DAPK3: variants seen among roughly 807,000 people sequenced by gnomAD.
DAPK3 encodes death associated protein kinase 3.
A neutral mutation model predicts 30.6 loss-of-function variants in DAPK3; 24 were observed. The observed-to-expected ratio is 0.78, with a 90% CI of 0.57 to 1.10. DAPK3 has a LOEUF of 1.10. Among genes scored for constraint, DAPK3 ranks in the 50% least tolerant of loss-of-function variants. The probability of loss-of-function intolerance (pLI) is 0.00; values close to 1 mark genes in which losing one functional copy is unlikely to be tolerated. For missense variants in DAPK3, 629 were observed against 657.3 expected, an observed-to-expected ratio of 0.96 and a Z score of 0.47; for synonymous variants, 341 against 284.0, an observed-to-expected ratio of 1.20 and a Z score of -2.02.
At chr19:3,959,675 GCCACCCAGCCCCGCCAGCCC>G (rs1568189761) in intron 8 of DAPK3, 38 bp from the exon 9 acceptor site, 3 of 1,507,528 alleles carry the variant, frequency 2.0e-6, no homozygotes, top group Admixed American at 4.1e-5. Context: ...TCCCCGCGAT[GCCACCCAGCCCCGCCAGCCC>G]CCACCTGCCA....
At chr19:3,966,638 A>T (rs2039580160) in intron 2 of DAPK3, among the ~76,000 whole-genome samples, 1 of 152,190 alleles carries the variant, frequency 6.6e-6, no homozygotes, top group African/African-American at 2.4e-5. Flanking sequence ...CGCCTCCTCC[A>T]TGCTGGAGTG....
chr19:3,961,783 T>G (rs2039518590), intron 6 of DAPK3: 1 of 318,162 alleles, frequency 3.1e-6, no homozygotes, highest in African/African-American at 2.2e-5. Flanking sequence ...AGGAGCTGAA[T>G]GGCTAAATGC....
chr19:3,960,961 G>A (rs1456576534), intron 7 of DAPK3, 48 bp downstream of exon 7: 1 of 1,599,194 alleles, frequency 6.3e-7, no homozygotes, highest in Admixed American at 1.7e-5. Context: ...GGGTGGAGTG[G>A]GCCTGTGTCC....
rs151023938 is a variant in DAPK3, at chr19:3,958,736, C to G, written c.*365G>C. 92 of 380,608 alleles carry G rather than the reference C, an allele frequency of 2.4e-4. 3 individuals are homozygous for G. In the East Asian group the frequency reaches 5.0e-3, roughly 21 times the overall value. 23.6% of individuals were successfully genotyped at this position (380,608 alleles called of 1,614,324 possible). A position where few individuals can be genotyped will look rare whatever the true frequency, so the allele number is the denominator to read the frequency against. On this transcript the variant is annotated 3_prime_UTR_variant, in exon 9 of 9. Coordinates refer to ENST00000545797, the MANE Select transcript of DAPK3 (RefSeq NM_001348.3). ...GCAGCACCCCGCCGAATTGTCCGTGCAACTACCCGCAAACCCTCCTCCGGG... is the reference window on the plus strand; with the variant it reads ...GCAGCACCCCGCCGAATTGTCCGTGGAACTACCCGCAAACCCTCCTCCGGG...
At position 3,959,432 on chromosome 19, in the gene DAPK3, C is replaced by T; in HGVS notation, c.1034G>A (p.Ser345Asn). ...AEEGLRELQR[S>N]RRLCHEDVEA... is the part of the protein sequence containing the mutation. ...CACGTCCTCGTGGCAGAGCCGCCGG[C>T]TGCGCTGCAGCTCGCGCAGGCCCTC... Residue 345 changes from serine (S) to asparagine (N), a missense_variant, in exon 9 of 9, where the codon AGC (serine) becomes AAC (asparagine). Physicochemically the swap from Ser to Asn is conservative, Grantham distance 46. Around this residue, in one of 2 missense-constraint regions of DAPK3, gnomAD observed 323 missense variants for 278.8 expected, o/e 1.16. Coordinates refer to ENST00000545797, the MANE Select transcript of DAPK3 (RefSeq NM_001348.3). The T allele has an allele frequency of 1.3e-6, 2 of 1,552,078 alleles. No homozygotes were observed. Among genetic ancestry groups the T allele is most frequent in the Non-Finnish European group, 8.7e-7 (1 of 1,155,678 alleles).
intron 1 of DAPK3, chr19:3,970,048 G>GCCAC: frequency 2.6e-6 from 1 of 388,322 alleles, no homozygotes; most frequent in South Asian, 5.1e-5. Flanking sequence ...GCCCCACTGG[G>GCCAC]CCACCTTCAC....
In DAPK3 at chr19:3,964,446, A is replaced by T. The variant is rs1402128971; in HGVS notation, c.424-73T>A. 50 of 744,890 alleles carry T rather than the reference A, an allele frequency of 6.7e-5. No homozygotes were observed. The African/African-American group carries it at 1.8e-3, about 27-fold the overall frequency. 46.1% of individuals were successfully genotyped at this position (744,890 alleles called of 1,614,324 possible). ...CTCACCCCCACGCTCCCCAAACCTC[A>T]CCCTCACGCTCCCCGCAACCTCACC... On this transcript the variant is annotated intron_variant, in intron 3 of 8. Transcript: ENST00000545797.
chr19:3,959,762 G>C (rs1041435325), intron 8 of DAPK3, 125 bp from the exon 9 acceptor site: 2 of 1,141,182 alleles, frequency 1.8e-6, no homozygotes, highest in Non-Finnish European at 2.4e-6. Flanking sequence ...TCGTGACGGA[G>C]ACTGCCCAGC....
At position 3,958,556 on chromosome 19, in the gene DAPK3, C is replaced by A. The variant is rs1459413244; in HGVS notation, c.*545G>T. On this transcript the variant is annotated 3_prime_UTR_variant, in exon 9 of 9. Transcript: ENST00000545797. ...GCTCGCGGAGGAGTCCGCAGCAGGGCACCCCACACCCGGGGGACCGGCCTC... is the reference window on the plus strand; with the variant it reads ...GCTCGCGGAGGAGTCCGCAGCAGGGAACCCCACACCCGGGGGACCGGCCTC... 2 of 456,096 alleles carry A rather than the reference C, an allele frequency of 4.4e-6. No homozygotes were observed. The highest frequency in any genetic ancestry group is 4.4e-6 in the Non-Finnish European group (1 of 227,296). 28.3% of individuals were successfully genotyped at this position (456,096 alleles called of 1,614,324 possible). A position where few individuals can be genotyped will look rare whatever the true frequency, so the allele number is the denominator to read the frequency against.
chr19:3,959,133 TCTC>T lies in DAPK3; in HGVS notation c.1330_1332del (p.Glu444del). 2 of 1,576,176 alleles carry T rather than the reference TCTC, an allele frequency of 1.3e-6. No individual in the cohort carries two copies. The highest frequency in any genetic ancestry group is 1.7e-6 in the Non-Finnish European group (2 of 1,165,234). ...AGCCCGCACTCCACGCCCTGCAGCT[TCTC>T]CTGCTCCAGGGCGCGCACGAGGTCC... On this transcript the variant is annotated inframe_deletion, in exon 9 of 9. Transcript: ENST00000545797.
chr19:3,959,636 G>A lies in DAPK3; in HGVS notation c.830C>T (p.Ala277Val), dbSNP rs878855905. The change falls in exon 9 of 9, where the codon GCG (alanine) becomes GTG (valine). Residue 277 changes from alanine (A) to valine (V), a missense_variant and splice_region_variant. Ala to Val is a moderately conservative substitution (Grantham distance 64, BLOSUM62 0). Coordinates refer to ENST00000545797, the MANE Select transcript of DAPK3 (RefSeq NM_001348.3). ...AQSLEHSWIK[A>V]IRRRNVRGED... is the part of the protein sequence containing the mutation. ...ACCACGCACGTTCCGCCGCCGGATC[G>A]CCTAGGAAGGAGGGAAGCCTGAGCG... 3.2e-6 allele frequency: 5 copies of A among 1,573,886 alleles called. No homozygotes were observed. In the East Asian group the frequency reaches 6.8e-5, roughly 21 times the overall value.
At chr19:3,966,588 T>C (rs1462417960) in intron 2 of DAPK3, among the ~76,000 whole-genome samples, 1 of 152,182 alleles carries the variant, frequency 6.6e-6, no homozygotes, top group Admixed American at 6.5e-5. Context: ...CACCAGGCAC[T>C]GCGGGTGGCA....
rs374066465 is a variant in DAPK3 at position 3,963,618 on chromosome 19, G to A, written c.629+25C>T. ...CCCATGCCAGCTGTGTTGCACAGCC[G>A]AGGGGGCCCCCGCCAGGTACTCACA... is the stretch of plus-strand genomic sequence containing the variant. On this transcript the variant is annotated intron_variant, in intron 6 of 8. Coordinates refer to ENST00000545797, the MANE Select transcript of DAPK3 (RefSeq NM_001348.3). 22 of 1,480,244 alleles carry A rather than the reference G, an allele frequency of 1.5e-5. No individual in the cohort carries two copies. In the East Asian group the frequency reaches 3.4e-4, roughly 23 times the overall value. The allele number at this position is 1,480,244 out of a possible 1,614,324, so 91.7% of individuals were successfully genotyped here.
chr19:3,966,468 ATC>A (rs1175844030), intron 2 of DAPK3, among the ~76,000 whole-genome samples: 1 of 152,120 alleles, frequency 6.6e-6, no homozygotes, highest in Non-Finnish European at 1.5e-5. Flanking sequence ...GGAAGAGAGG[ATC>A]TCTCTCTCCC....
intron 7 of DAPK3, 67 bp from the exon 8 acceptor site, chr19:3,960,171 C>A: frequency 1.2e-6 from 1 of 858,576 alleles, no homozygotes; most frequent in Admixed American, 2.0e-5. Flanking sequence ...GAACAACTGA[C>A]TCCCGGGACC....
chr19:3,969,768 C>G lies in DAPK3; in HGVS notation c.-33G>C. On this transcript the variant is annotated 5_prime_UTR_variant, in exon 2 of 9. Coordinates refer to ENST00000545797, the MANE Select transcript of DAPK3 (RefSeq NM_001348.3). ...GGTCCGCCTTCCAGCAGCTTCCACT[C>G]CAGGGAAAGTGCAGTCACCGCAGCC... The G allele has an allele frequency of 6.4e-7, 1 of 1,567,384 alleles. No homozygotes were observed. Among genetic ancestry groups the G allele is most frequent in the Non-Finnish European group, 8.8e-7 (1 of 1,140,458 alleles).
Position 3,964,652 on chromosome 19 carries a change from G to A in DAPK3, c.402C>T (p.Arg134=). 6.4e-7 allele frequency: 1 copy of A among 1,568,866 alleles called. No individual in the cohort carries two copies. The highest frequency in any genetic ancestry group is 2.4e-5 in the East Asian group (1 of 41,518). Reference sequence around the variant, plus strand: ...TCACCTTCAGGTCAAAGTGTGCGATGCGCTTAGAGTGCAGGTAGTGAACGC... The same window carrying A: ...TCACCTTCAGGTCAAAGTGTGCGATACGCTTAGAGTGCAGGTAGTGAACGC... ...LDGVHYLHSK[R]IAHFDLKPEN... Residue 134 remains arginine (R), a synonymous_variant, in exon 3 of 9, where the codon CGC becomes CGT. Coordinates refer to ENST00000545797, the MANE Select transcript of DAPK3 (RefSeq NM_001348.3).
rs1286367233 is a variant in DAPK3, at chr19:3,958,998, C to A, written c.*103G>T. On this transcript the variant is annotated 3_prime_UTR_variant, in exon 9 of 9. Transcript: ENST00000545797. The stretch of plus-strand genomic sequence containing the variant: ...CCGCCTCCAGCCTGGTGGCGCTGGG[C>A]AAGGACAGGCACCCGGGCGATGGGA... 2.7e-6 allele frequency: 2 copies of A among 753,792 alleles called. No individual in the cohort carries two copies. The highest frequency in any genetic ancestry group is 4.1e-6 in the Non-Finnish European group (2 of 485,544). 46.7% of individuals were successfully genotyped at this position (753,792 alleles called of 1,614,324 possible).
intron 8 of DAPK3, 176 bp downstream of exon 8, chr19:3,959,880 GTGC>G (rs2039485130): frequency 1.5e-6 from 1 of 645,354 alleles, no homozygotes; most frequent in South Asian, 1.8e-5. Context: ...GGTCTGTCGG[GTGC>G]TGGACATCCC....
Sources: gnomAD v4.1 joint callset for allele counts (sites outside exome capture counted in the v4.1 genomes callset) on GRCh38, gnomAD v4.1.1 for gene constraint, gnomAD v4.1.1 regional missense constraint, MANE v1.5 for transcripts, NCBI Gene and HGNC (gene_info 2026-07-23, HGNC 2026-07-21) for gene names.